The following PPARG variants were observed in gnomAD, a reference collection of about 807,000 sequenced individuals.
PPARG encodes peroxisome proliferator activated receptor gamma, also known as peroxisome proliferator-activated receptor gamma.
A neutral mutation model predicts 39.2 loss-of-function variants in PPARG; 17 were observed. The ratio of observed to expected loss-of-function variants is 0.43; its 90% CI spans 0.30 to 0.65. The LOEUF (loss-of-function observed/expected upper bound fraction) is 0.65. Ranked by LOEUF, PPARG falls within the 30% of genes least tolerant of loss-of-function variation. PPARG has a pLI of 0.13. For synonymous variants in PPARG, 223 were observed against 215.7 expected (o/e 1.03, Z -0.30); for missense variants, 406 against 585.9 (o/e 0.69, Z 3.17).
Position 12,379,732 on chromosome 3 carries a change from A to C in PPARG, c.21A>C (p.Pro7=), listed in dbSNP as rs755878073. MVDTEM[P]FWPTNFGISS... ...TGACCATGGTTGACACAGAGATGCC[A>C]TTCTGGCCCACCAACTTTGGGATCA... is the stretch of plus-strand genomic sequence containing the variant. Residue 7 remains proline (P), a synonymous_variant, in exon 3 of 8, where the codon CCA becomes CCC. Transcript: ENST00000651735. 1.1e-5 allele frequency: 17 copies of C among 1,613,912 alleles called. No individual in the cohort carries two copies. The highest frequency in any genetic ancestry group is 1.7e-5 in the Admixed American group (1 of 59,972).
intron 2 of PPARG, among the ~76,000 whole-genome samples, chr3:12,370,040 A>G: frequency 6.6e-6 from 1 of 152,086 alleles, no homozygotes; most frequent in Non-Finnish European, 1.5e-5. Context: ...TCCTGGTCCC[A>G]TCTTTTCTCT....
intron 1 of PPARG, among the ~76,000 whole-genome samples, chr3:12,301,157 C>G (rs2046914976): frequency 6.6e-6 from 1 of 152,170 alleles, no homozygotes; most frequent in Non-Finnish European, 1.5e-5. Context: ...CTTCAACATT[C>G]TATGTTGGAC....
At chr3:12,386,730 ATTC>A (rs1301779761) in intron 4 of PPARG, among the ~76,000 whole-genome samples, 1 of 151,906 alleles carries the variant, frequency 6.6e-6, no homozygotes, top group Non-Finnish European at 1.5e-5. Flanking sequence ...TTTTTTTATT[ATTC>A]TTATACTTTA....
rs150110184 is a variant in PPARG, at chr3:12,315,723, C to G, written c.-9+3270C>G. ...ACAAGTCTGGTCTCTATTTAGTGTA[C>G]TTAATACTTTAGCCAGTTGCTTACA... On this transcript the variant is annotated intron_variant, in intron 2 of 7. Coordinates refer to ENST00000651735, the MANE Select transcript of PPARG (RefSeq NM_138711.6). Among the ~76,000 whole-genome samples the G allele has an allele frequency of 1.5e-3, 229 of 152,258 alleles. 1 individual carries two copies. The highest frequency in any genetic ancestry group is 5.1e-3 in the African/African-American group (214 of 41,558).
At chr3:12,406,452 C>T (rs1357300259) in intron 6 of PPARG, 1 of 285,204 alleles carries the variant, frequency 3.5e-6, no homozygotes, top group Non-Finnish European at 6.8e-6. Flanking sequence ...TTGCTTTCCT[C>T]TGGGAAGAAC....
chr3:12,392,490 A>G, intron 4 of PPARG, 124 bp from the exon 5 acceptor site: 1 of 1,050,596 alleles, frequency 9.5e-7, no homozygotes, highest in African/African-American at 1.6e-5. Flanking sequence ...TAAAGTCACC[A>G]GTGACAGAAT....
chr3:12,419,435 A>T (rs1461914882), intron 7 of PPARG, among the ~76,000 whole-genome samples: 1 of 152,020 alleles, frequency 6.6e-6, no homozygotes, highest in African/African-American at 2.4e-5. Context: ...TTAGAAAAAC[A>T]GTTGATATTA....
At chr3:12,371,586 A>G (rs2049216205) in intron 2 of PPARG, among the ~76,000 whole-genome samples, 1 of 152,224 alleles carries the variant, frequency 6.6e-6, no homozygotes, top group Non-Finnish European at 1.5e-5. Context: ...GATGACATTC[A>G]TATACATTCA....
intron 2 of PPARG, among the ~76,000 whole-genome samples, chr3:12,363,363 A>G (rs1029428322): frequency 3.9e-5 from 6 of 152,246 alleles, no homozygotes; most frequent in African/African-American, 1.4e-4. Flanking sequence ...CATAACCACT[A>G]GAGATCTGGC....
chr3:12,367,789 A>G (rs908822396), intron 2 of PPARG, among the ~76,000 whole-genome samples: 2 of 151,984 alleles, frequency 1.3e-5, no homozygotes, highest in African/African-American at 2.4e-5. Context: ...TGGAAGGATC[A>G]CTTCAGCACA....
intron 6 of PPARG, among the ~76,000 whole-genome samples, chr3:12,410,687 G>C (rs1347808149): frequency 1.3e-5 from 2 of 152,194 alleles, no homozygotes; most frequent in Non-Finnish European, 2.9e-5. Flanking sequence ...TCTAAATAGT[G>C]TGTGAAATAT....
At chr3:12,324,502 A>G (rs2047638096) in intron 2 of PPARG, among the ~76,000 whole-genome samples, 1 of 152,128 alleles carries the variant, frequency 6.6e-6, no homozygotes, top group Non-Finnish European at 1.5e-5. Context: ...CAAAGACTAC[A>G]TGGCAGTTAA....
chr3:12,346,088 T>C (rs2048317456), intron 2 of PPARG, among the ~76,000 whole-genome samples: 1 of 152,218 alleles, frequency 6.6e-6, no homozygotes, highest in Non-Finnish European at 1.5e-5. Flanking sequence ...GTTACAGTAA[T>C]TTCAAAAGTG....
intron 7 of PPARG, among the ~76,000 whole-genome samples, chr3:12,431,334 C>T (rs925824821): frequency 3.9e-5 from 6 of 151,984 alleles, no homozygotes; most frequent in African/African-American, 9.7e-5. Context: ...ATGAGAGTAC[C>T]GTTTATCAAA....
At chr3:12,359,743 C>G (rs1385032882) in intron 2 of PPARG, among the ~76,000 whole-genome samples, 1 of 148,738 alleles carries the variant, frequency 6.7e-6, no homozygotes, top group Admixed American at 6.7e-5. Context: ...GGCGCCGTCT[C>G]AGCTCACTGC....
At chr3:12,430,472 T>A (rs1575159768) in intron 7 of PPARG, among the ~76,000 whole-genome samples, 1 of 152,368 alleles carries the variant, frequency 6.6e-6, no homozygotes, top group Middle Eastern at 3.4e-3. Context: ...GATCCAAATG[T>A]CAGCTCTGCA....
At chr3:12,347,239 G>A (rs910305195) in intron 2 of PPARG, among the ~76,000 whole-genome samples, 3 of 151,574 alleles carry the variant, frequency 2.0e-5, no homozygotes, top group Non-Finnish European at 4.4e-5. Context: ...AATCCTAGCT[G>A]CTCTGGAGGC....
At chr3:12,433,548 A>G (rs535539707) in intron 7 of PPARG, among the ~76,000 whole-genome samples, 1 of 151,852 alleles carries the variant, frequency 6.6e-6, no homozygotes, top group South Asian at 2.1e-4. Context: ...AAAAAAAAAA[A>G]AAAAGAAAAG....
At chr3:12,354,774 A>C (rs2048606698) in intron 2 of PPARG, among the ~76,000 whole-genome samples, 1 of 151,696 alleles carries the variant, frequency 6.6e-6, no homozygotes, top group Non-Finnish European at 1.5e-5. Flanking sequence ...AAAAAAAAGA[A>C]AAGAAACCTA....
Sources: gnomAD v4.1 joint callset for allele counts (sites outside exome capture counted in the v4.1 genomes callset) on GRCh38, gnomAD v4.1.1 for gene constraint, MANE v1.5 for transcripts, NCBI Gene and HGNC (gene_info 2026-07-23, HGNC 2026-07-21) for gene names.